The following ZMYM2 variants were observed in gnomAD, a reference collection of about 807,000 sequenced individuals.
The protein encoded by ZMYM2 is zinc finger MYM-type protein 2.
In ZMYM2, 56 loss-of-function variants were observed where a neutral mutation model predicts 162.8. That is an observed-to-expected ratio of 0.34 (90% CI 0.28 to 0.43). The LOEUF (loss-of-function observed/expected upper bound fraction) is 0.43, where lower values mean the gene tolerates loss of function less well. Ranked by LOEUF, ZMYM2 falls within the 20% of genes least tolerant of loss-of-function variation. ZMYM2 has a pLI of 1.00. For missense variants in ZMYM2, 1,275 were observed against 1,621.8 expected, an observed-to-expected ratio of 0.79 and a Z score of 3.67; for synonymous variants, 510 against 541.6, an observed-to-expected ratio of 0.94 and a Z score of 0.81.
At chr13:19,970,641 G>T (rs898096030) in intron 2 of ZMYM2, among the ~76,000 whole-genome samples, 1 of 148,074 alleles carries the variant, frequency 6.8e-6, no homozygotes, top group Non-Finnish European at 1.5e-5. Context: ...TCTCAGAAAG[G>T]TTATTTGTTA....
intron 1 of ZMYM2, among the ~76,000 whole-genome samples, chr13:19,959,266 G>A (rs1245480775): frequency 6.6e-6 from 1 of 151,656 alleles, no homozygotes; most frequent in East Asian, 1.9e-4. Context: ...GGGGGCGGGG[G>A]AGGGGCGCCC....
rs369364385 is a variant in ZMYM2, at chr13:20,051,253, G to GCATCTTTTTTTTTTTTTTTTTTTTTTTTT, written c.2293-180_2293-179insCATCTTTTTTTTTTTTTTTTTTTTTTTTT. On this transcript the variant is annotated intron_variant, in intron 12 of 24. Coordinates refer to ENST00000610343, the MANE Select transcript of ZMYM2 (RefSeq NM_197968.4). ...GATGGACTTTGTCAACTGTGAAATT[G>GCATCTTTTTTTTTTTTTTTTTTTTTTTTT]TATTTTTTTTTTTTTTTTTCATTTA... Among the ~76,000 whole-genome samples, 4 of 74,210 alleles carry GCATCTTTTTTTTTTTTTTTTTTTTTTTTT rather than the reference G, an allele frequency of 5.4e-5. 2 individuals carry two copies. Among genetic ancestry groups the GCATCTTTTTTTTTTTTTTTTTTTTTTTTT allele is most frequent in the African/African-American group, 8.6e-5 (2 of 23,214 alleles). 48.7% of individuals were successfully genotyped at this position (74,210 alleles called of 152,430 possible). A position where few individuals can be genotyped will look rare whatever the true frequency, so the allele number is the denominator to read the frequency against.
At chr13:20,053,598 G>A (rs1370345490) in intron 14 of ZMYM2, among the ~76,000 whole-genome samples, 1 of 152,170 alleles carries the variant, frequency 6.6e-6, no homozygotes, top group Non-Finnish European at 1.5e-5. Context: ...GTTGCAGTGA[G>A]CCAAGATCGC....
At chr13:20,081,956 T>C in intron 21 of ZMYM2, 60 bp from the exon 22 acceptor site, 1 of 1,066,714 alleles carries the variant, frequency 9.4e-7, no homozygotes, top group East Asian at 2.7e-5. Flanking sequence ...TGTAATATGT[T>C]TACTATAATT....
the ZMYM2 span, among the ~76,000 whole-genome samples, chr13:19,886,284 C>G: frequency 1.3e-5 from 2 of 150,348 alleles, no homozygotes; most frequent in African/African-American, 2.5e-5. Context: ...CCTGCCTCAG[C>G]CTCCCAAGTA....
At chr13:19,991,946 G>C (rs927418567) in intron 2 of ZMYM2, among the ~76,000 whole-genome samples, 2 of 152,004 alleles carry the variant, frequency 1.3e-5, no homozygotes, top group African/African-American at 4.8e-5. Flanking sequence ...TCTTTTATAA[G>C]GGTACTTGTG....
the ZMYM2 span, among the ~76,000 whole-genome samples, chr13:19,885,979 A>G: frequency 0.77 from 26,026 of 34,014 alleles, 12,347 homozygotes; most frequent in East Asian, 0.98. Flanking sequence ...ACACATATAT[A>G]TGTATATACA....
At chr13:20,014,800 CTA>C (rs765763854) in intron 6 of ZMYM2, among the ~76,000 whole-genome samples, 2 of 126,180 alleles carry the variant, frequency 1.6e-5, no homozygotes, top group Non-Finnish European at 3.2e-5. Flanking sequence ...AAGTCTCACT[CTA>C]TTGCCCAGGC....
chr13:19,907,353 G>C, the ZMYM2 span, among the ~76,000 whole-genome samples: 3 of 152,132 alleles, frequency 2.0e-5, no homozygotes, highest in Admixed American at 1.3e-4. Flanking sequence ...GGGTTCATCA[G>C]TTATAACAAA....
chr13:20,008,315 G>A (rs1950907661), intron 6 of ZMYM2, among the ~76,000 whole-genome samples: 1 of 152,080 alleles, frequency 6.6e-6, no homozygotes, highest in Non-Finnish European at 1.5e-5. Context: ...ATTTTTGGTA[G>A]CGATTGGGTT....
chr13:20,057,325 A>G (rs1379152889), intron 14 of ZMYM2, among the ~76,000 whole-genome samples: 1 of 151,694 alleles, frequency 6.6e-6, no homozygotes, highest in African/African-American at 2.4e-5. Flanking sequence ...TTTAGTAGAG[A>G]TGGAGTTTCA....
chr13:20,056,768 T>C (rs1224013897), intron 14 of ZMYM2, among the ~76,000 whole-genome samples: 1 of 152,104 alleles, frequency 6.6e-6, no homozygotes, highest in Admixed American at 6.5e-5. Flanking sequence ...GAAGGTGATA[T>C]CAGAATGGAA....
At chr13:20,031,536 A>G (rs970168989) in intron 10 of ZMYM2, 101 bp downstream of exon 10, 2 of 772,854 alleles carry the variant, frequency 2.6e-6, no homozygotes, top group African/African-American at 3.6e-5. Context: ...TGGTAGATAA[A>G]AATATGCTTT....
the ZMYM2 span, among the ~76,000 whole-genome samples, chr13:19,875,626 CAAAAAAAAA>C: frequency 8.9e-4 from 49 of 54,888 alleles, no homozygotes; most frequent in South Asian, 0.022. Flanking sequence ...GACTCCATCG[CAAAAAAAAA>C]AAAAAAAAAA....
the ZMYM2 span, among the ~76,000 whole-genome samples, chr13:19,933,975 T>A: frequency 6.6e-6 from 1 of 152,204 alleles, no homozygotes; most frequent in Non-Finnish European, 1.5e-5. Context: ...TTACAATTAT[T>A]GTAATTACTT....
the ZMYM2 span, among the ~76,000 whole-genome samples, chr13:19,884,858 T>G: frequency 1.3e-5 from 2 of 151,948 alleles, no homozygotes; most frequent in South Asian, 2.1e-4. Flanking sequence ...CACATCACAA[T>G]TGCGGGTGCG....
At position 20,000,765 on chromosome 13, in the gene ZMYM2, T is replaced by G. The variant is rs182638863; in HGVS notation, c.848-2085T>G. 2.7e-3 allele frequency among the ~76,000 whole-genome samples: 407 copies of G among 152,376 alleles called. 2 individuals carry two copies. The highest frequency in any genetic ancestry group is 3.9e-3 in the Non-Finnish European group (266 of 68,036). Reference sequence around the variant, plus strand: ...TGTTTTCATACCTGCTACCACAATATTCATTCTGTAGCCTGTGGATCAAGG... The same window carrying G: ...TGTTTTCATACCTGCTACCACAATAGTCATTCTGTAGCCTGTGGATCAAGG... On this transcript the variant is annotated intron_variant, in intron 3 of 24. Transcript: ENST00000610343.
chr13:19,971,244 G>GTGTGTATATATATA (rs5802035), intron 2 of ZMYM2, among the ~76,000 whole-genome samples: 45 of 50,124 alleles, frequency 9.0e-4, no homozygotes, highest in East Asian at 2.8e-3. Flanking sequence ...GTGTGTGTGT[G>GTGTGTATATATATA]TATATATATA....
intron 14 of ZMYM2, among the ~76,000 whole-genome samples, chr13:20,054,405 T>C (rs1437319914): frequency 6.6e-6 from 1 of 152,262 alleles, no homozygotes; most frequent in Non-Finnish European, 1.5e-5. Flanking sequence ...GCTCAGTGCC[T>C]GTTGCCAGGT....
Sources: allele counts gnomAD v4.1 joint callset (sites outside exome capture counted in the v4.1 genomes callset), GRCh38; gene constraint gnomAD v4.1.1; transcripts MANE v1.5; gene names NCBI Gene and HGNC (gene_info 2026-07-23, HGNC 2026-07-21).